The following KANK4 variants were observed in gnomAD, a reference collection of about 807,000 sequenced individuals.
KANK4 encodes KN motif and ankyrin repeat domain-containing protein 4.
Under a neutral mutation model 80.8 loss-of-function variants are expected in KANK4, and 50 were observed. The ratio of observed to expected loss-of-function variants is 0.62; its 90% CI spans 0.49 to 0.78. The LOEUF (loss-of-function observed/expected upper bound fraction) is 0.78. KANK4 is among the 30% of genes least tolerant of loss of function. The pLI is 0.00. For synonymous variants in KANK4, 465 were observed against 506.9 expected (o/e 0.92, Z 1.11); for missense variants, 1,196 against 1,240.1 (o/e 0.96, Z 0.53).
intron 4 of KANK4, among the ~76,000 whole-genome samples, chr1:62,270,029 T>A (rs1672122854): frequency 6.6e-6 from 1 of 152,084 alleles, no homozygotes; most frequent in African/African-American, 2.4e-5. Context: ...TGTACTGGAG[T>A]AACAAATGCT....
In KANK4 at chr1:62,308,532, G is replaced by A. The variant is rs571912502; in HGVS notation, c.-71+10574C>T. Among the ~76,000 whole-genome samples, 4 of 152,280 alleles carry A rather than the reference G, an allele frequency of 2.6e-5. No individual in the cohort carries two copies. The South Asian group carries it at 8.3e-4, about 32-fold the overall frequency. ...GATCTCTCTCCTGGTCCAGGTTGGA[G>A]AGAACTATCCTGGTCTCAGGAGGAA... is the stretch of plus-strand genomic sequence containing the variant. On this transcript the variant is annotated intron_variant, in intron 1 of 9. Coordinates refer to ENST00000371153, the MANE Select transcript of KANK4 (RefSeq NM_181712.5).
rs533663115 is a variant in KANK4, at chr1:62,248,587, C to T, written c.2683-915G>A. ...TGAGACAAAGTCTCACTCTTGTCGC[C>T]GAGGCTGGAGTGCAATGGCACGATC... On this transcript the variant is annotated intron_variant, in intron 8 of 9. Coordinates refer to ENST00000371153, the MANE Select transcript of KANK4 (RefSeq NM_181712.5). Among the ~76,000 whole-genome samples the T allele has an allele frequency of 3.7e-3, 555 of 150,882 alleles. 3 individuals are homozygous for T. The highest frequency in any genetic ancestry group is 0.013 in the African/African-American group (530 of 41,160).
At chr1:62,245,404 A>T (rs1383532709) in intron 9 of KANK4, among the ~76,000 whole-genome samples, 5 of 152,034 alleles carry the variant, frequency 3.3e-5, no homozygotes, top group Non-Finnish European at 7.4e-5. Flanking sequence ...TGACTGAGGG[A>T]CTCAGCAGCT....
chr1:62,271,462 C>T lies in KANK4; in HGVS notation c.2012+16G>A, dbSNP rs1672159449. ...GTAGCAAGAAAGGCAGTCTGAGCTT[C>T]ACAAGCGATGCTTACCCACCGTTAA... On this transcript the variant is annotated intron_variant, in intron 4 of 9. Coordinates refer to ENST00000371153, the MANE Select transcript of KANK4 (RefSeq NM_181712.5). The T allele has an allele frequency of 6.4e-7, 1 of 1,556,128 alleles. No homozygotes were observed. Among genetic ancestry groups the T allele is most frequent in the Non-Finnish European group, 8.9e-7 (1 of 1,127,394 alleles).
At position 62,281,570 on chromosome 1, in the gene KANK4, G is replaced by T; in HGVS notation, c.-6C>A. ...CTACCATCTGTCTTCTCCATCTTTG[G>T]AGCGCTGACCCTCAGTGTCTCAGGC... On this transcript the variant is annotated 5_prime_UTR_variant, in exon 2 of 10. Transcript: ENST00000371153. 6.2e-7 allele frequency: 1 copy of T among 1,614,140 alleles called. No individual in the cohort carries two copies. The highest frequency in any genetic ancestry group is 1.1e-5 in the South Asian group (1 of 91,074).
At chr1:62,246,081 C>T (rs1035959328) in intron 9 of KANK4, among the ~76,000 whole-genome samples, 2 of 152,112 alleles carry the variant, frequency 1.3e-5, no homozygotes, top group Non-Finnish European at 1.5e-5. Context: ...AGCAGGAAGA[C>T]GGTCAATCTC....
chr1:62,285,583 C>T (rs1672545349), intron 1 of KANK4, among the ~76,000 whole-genome samples: 1 of 152,090 alleles, frequency 6.6e-6, no homozygotes, highest in Non-Finnish European at 1.5e-5. Context: ...GTATTTCATC[C>T]CAGAGCAGGC....
chr1:62,305,213 G>T (rs1160805079), intron 1 of KANK4, among the ~76,000 whole-genome samples: 1 of 152,178 alleles, frequency 6.6e-6, no homozygotes, highest in Non-Finnish European at 1.5e-5. Flanking sequence ...TACCTACCTG[G>T]CTTCAGAAAT....
rs1382317186 is a variant in KANK4, at chr1:62,279,195, C to T, written c.16+2354G>A. Among the ~76,000 whole-genome samples, 10 of 52,984 alleles carry T rather than the reference C, an allele frequency of 1.9e-4. No individual in the cohort carries two copies. In the South Asian group the frequency reaches 2.8e-3, roughly 15 times the overall value. The allele number at this position is 52,984 out of a possible 152,430, so 34.8% of individuals were successfully genotyped here. A position where few individuals can be genotyped will look rare whatever the true frequency, so the allele number is the denominator to read the frequency against. On this transcript the variant is annotated intron_variant, in intron 2 of 9. Coordinates refer to ENST00000371153, the MANE Select transcript of KANK4 (RefSeq NM_181712.5). ...TAATAGGTGCTTTCCTAAGCTAGCG[C>T]GCGCACACACACACACACACACACA...
intron 1 of KANK4, among the ~76,000 whole-genome samples, chr1:62,306,611 C>A (rs1644453000): frequency 6.6e-6 from 1 of 152,000 alleles, no homozygotes; most frequent in African/African-American, 2.4e-5. Flanking sequence ...GATTCTCTAT[C>A]CCTGTTGCTC....
At chr1:62,247,894 C>G (rs887155799) in intron 8 of KANK4, among the ~76,000 whole-genome samples, 2 of 152,050 alleles carry the variant, frequency 1.3e-5, no homozygotes, top group African/African-American at 4.8e-5. Flanking sequence ...ACTCCCCAGG[C>G]ACGGGAATCC....
chr1:62,256,680 G>A (rs1671760559), intron 7 of KANK4, among the ~76,000 whole-genome samples: 1 of 152,134 alleles, frequency 6.6e-6, no homozygotes. Flanking sequence ...GTCGCGCCTG[G>A]CTACCCCATA....
intron 1 of KANK4, among the ~76,000 whole-genome samples, chr1:62,313,750 G>A (rs1644516525): frequency 6.6e-6 from 1 of 152,160 alleles, no homozygotes; most frequent in African/African-American, 2.4e-5. Context: ...CCTAATGCAT[G>A]CGGGGCTTAA....
At chr1:62,246,112 A>G (rs1392819960) in intron 9 of KANK4, among the ~76,000 whole-genome samples, 1 of 152,230 alleles carries the variant, frequency 6.6e-6, no homozygotes, top group African/African-American at 2.4e-5. Flanking sequence ...TGTGGGGTTT[A>G]AATGAGATGG....
At chr1:62,245,839 A>G (rs1219150481) in intron 9 of KANK4, among the ~76,000 whole-genome samples, 1 of 152,140 alleles carries the variant, frequency 6.6e-6, no homozygotes, top group Non-Finnish European at 1.5e-5. Flanking sequence ...ACTTACCTCC[A>G]AAGTTTAGGG....
intron 7 of KANK4, among the ~76,000 whole-genome samples, chr1:62,255,223 A>G (rs539328845): frequency 6.6e-6 from 1 of 152,188 alleles, no homozygotes; most frequent in South Asian, 2.1e-4. Flanking sequence ...GTAAATGAGA[A>G]CTTTAAAGAA....
chr1:62,266,749 T>C lies in KANK4; in HGVS notation c.2302A>G (p.Thr768Ala), dbSNP rs11207949. Residue 768 changes from threonine to alanine, a missense_variant, in exon 6 of 10, where the codon ACC becomes GCC. Thr to Ala is a moderately conservative substitution (Grantham distance 58). Transcript: ENST00000371153. ...LSQHLPETGT[T>A]TDQLLRQSLN... The stretch of plus-strand genomic sequence containing the variant: ...TAGAGTACCAAGAGCTGGTCTGTGG[T>C]GGTCCCAGTTTCTGGCAGATGCTGG... 421,188 of 1,604,166 alleles carry C rather than the reference T, an allele frequency of 0.26. 60,725 individuals are homozygous for C. Among genetic ancestry groups the C allele is most frequent in the East Asian group, 0.56 (25,172 of 44,794 alleles).
At chr1:62,291,645 T>C (rs970986423) in intron 1 of KANK4, among the ~76,000 whole-genome samples, 2 of 152,100 alleles carry the variant, frequency 1.3e-5, no homozygotes, top group Admixed American at 6.5e-5. Flanking sequence ...TCTCTCCCTG[T>C]CACCTAGGCT....
chr1:62,264,602 C>T (rs915204850), intron 6 of KANK4, among the ~76,000 whole-genome samples: 7 of 152,066 alleles, frequency 4.6e-5, no homozygotes, highest in African/African-American at 1.7e-4. Context: ...AAGATGGGGG[C>T]AAGGGAGACA....
Sources: gnomAD v4.1 joint callset for allele counts (sites outside exome capture counted in the v4.1 genomes callset) on GRCh38, gnomAD v4.1.1 for gene constraint, MANE v1.5 for transcripts, NCBI Gene and HGNC (gene_info 2026-07-23, HGNC 2026-07-21) for gene names.